ZNF345: variants seen among roughly 807,000 people sequenced by gnomAD.
The protein encoded by ZNF345 is zinc finger protein 345.
For synonymous variants in ZNF345, 166 were observed against 187.9 expected (o/e 0.88, Z 0.95); for missense variants, 527 against 589.9 (o/e 0.89, Z 1.10).
chr19:36,861,803 G>A (rs532620027), intron 2 of ZNF345, among the ~76,000 whole-genome samples: 14 of 150,014 alleles, frequency 9.3e-5, no homozygotes, highest in South Asian at 2.1e-4. Context: ...CTTGCAATCC[G>A]CCAGCCTCAG....
At chr19:36,891,368 A>G in intron 3 of ZNF345, 1 of 986,128 alleles carries the variant, frequency 1.0e-6, no homozygotes, top group Non-Finnish European at 1.4e-6. Context: ...GTACTTTGTT[A>G]TCGTATCGTT....
chr19:36,871,413 ATACACACAC>A (rs1336807360), intron 2 of ZNF345, among the ~76,000 whole-genome samples: 7 of 152,160 alleles, frequency 4.6e-5, no homozygotes, highest in African/African-American at 1.7e-4. Flanking sequence ...ATCTTTATTA[ATACACACAC>A]ATACACTTTT....
intron 3 of ZNF345, chr19:36,891,856 A>G (rs1236147787): frequency 6.2e-7 from 1 of 1,614,106 alleles, no homozygotes; most frequent in Admixed American, 1.7e-5. Flanking sequence ...CTGATGCTGA[A>G]TAAGCCTTGA....
chr19:36,851,964 G>T (rs1406772523), intron 2 of ZNF345, 60 bp downstream of exon 2: 2 of 152,070 alleles, frequency 1.3e-5, no homozygotes, highest in African/African-American at 4.8e-5. Context: ...GGACATAGTT[G>T]CTTTCCTTCT....
intron 2 of ZNF345, among the ~76,000 whole-genome samples, chr19:36,870,336 A>T (rs2072747520): frequency 6.6e-6 from 1 of 152,130 alleles, no homozygotes; most frequent in African/African-American, 2.4e-5. Flanking sequence ...ATCTTTTTCC[A>T]GTATGTTCTG....
At chr19:36,857,537 G>A (rs529305537) in intron 2 of ZNF345, among the ~76,000 whole-genome samples, 68 of 152,152 alleles carry the variant, frequency 4.5e-4, no homozygotes, top group African/African-American at 1.4e-3. Context: ...CCGAACTCCC[G>A]ACCCCAGGTG....
intron 2 of ZNF345, among the ~76,000 whole-genome samples, chr19:36,869,764 CTT>C (rs370081401): frequency 8.6e-5 from 12 of 139,586 alleles, no homozygotes; most frequent in Admixed American, 1.4e-4. Flanking sequence ...GATCATTTAG[CTT>C]TTTTTTTTTT....
chr19:36,854,118 C>G (rs1448641573), intron 2 of ZNF345, among the ~76,000 whole-genome samples: 2 of 151,930 alleles, frequency 1.3e-5, no homozygotes, highest in Non-Finnish European at 2.9e-5. Context: ...ATAAATAGTT[C>G]TAGACAAGTA....
downstream of ZNF345, among the ~76,000 whole-genome samples, chr19:36,884,366 C>T (rs559727952): frequency 1.3e-5 from 2 of 152,016 alleles, no homozygotes; most frequent in Non-Finnish European, 2.9e-5. Flanking sequence ...CCTATGATTA[C>T]AACCTTATTA....
At chr19:36,875,941 A>G (rs572375922) in intron 2 of ZNF345, among the ~76,000 whole-genome samples, 3 of 152,340 alleles carry the variant, frequency 2.0e-5, no homozygotes, top group Non-Finnish European at 2.9e-5. Flanking sequence ...TGGTGTGATC[A>G]GAATCATTCC....
At position 36,855,177 on chromosome 19, in the gene ZNF345, C is replaced by T. The variant is rs1399565965; in HGVS notation, c.-47+3273C>T. 2.9e-5 allele frequency among the ~76,000 whole-genome samples: 4 copies of T among 140,304 alleles called. No homozygotes were observed. In the East Asian group the frequency reaches 6.7e-4, roughly 23 times the overall value. The allele number at this position is 140,304 out of a possible 152,430, so 92.0% of individuals were successfully genotyped here. On this transcript the variant is annotated intron_variant, in intron 2 of 2. Coordinates refer to ENST00000420450, the MANE Select transcript of ZNF345 (RefSeq NM_001242472.2). ...TTTTTTTTTGAGACGGAGTCTCGCT[C>T]AGTCACCCAGGTTGGAGTGCAGTGG...
chr19:36,875,487 T>TG (rs2072864681), intron 2 of ZNF345, among the ~76,000 whole-genome samples: 1 of 151,606 alleles, frequency 6.6e-6, no homozygotes, highest in Non-Finnish European at 1.5e-5. Flanking sequence ...TATTGTTGGG[T>TG]GGGGGGTGCA....
intron 2 of ZNF345, among the ~76,000 whole-genome samples, chr19:36,864,773 T>G (rs2072623913): frequency 6.6e-6 from 1 of 152,140 alleles, no homozygotes; most frequent in African/African-American, 2.4e-5. Flanking sequence ...TTTTGCACCC[T>G]GGGTTCCTCA....
intron 2 of ZNF345, among the ~76,000 whole-genome samples, chr19:36,852,263 G>A (rs114101700): frequency 0.017 from 2,592 of 151,058 alleles, 37 homozygotes; most frequent in Middle Eastern, 0.052. Flanking sequence ...CATTTTGTGC[G>A]CATATTTTGG....
chr19:36,883,131 T>G (rs2072978221), downstream of ZNF345, among the ~76,000 whole-genome samples: 1 of 152,240 alleles, frequency 6.6e-6, no homozygotes, highest in Admixed American at 6.5e-5. Flanking sequence ...ACCATATAGT[T>G]AGTGTTTTAT....
intron 2 of ZNF345, 101 bp from the exon 3 acceptor site, chr19:36,876,684 A>T: frequency 6.4e-6 from 5 of 782,198 alleles, no homozygotes; most frequent in Non-Finnish European, 9.7e-6. Context: ...CTCAATTTTT[A>T]TGAAAATTAA....
intron 3 of ZNF345, chr19:36,889,974 T>A (rs1169088880): frequency 2.0e-5 from 3 of 152,206 alleles, no homozygotes; most frequent in Non-Finnish European, 4.4e-5. Context: ...TTGTCTCTAT[T>A]TTCATTTATT....
intron 3 of ZNF345, chr19:36,890,941 G>C (rs1256346585): frequency 6.6e-6 from 1 of 152,262 alleles, no homozygotes; most frequent in African/African-American, 2.4e-5. Context: ...CATTCTAACA[G>C]GGTATTATGG....
In ZNF345 at chr19:36,877,675, G is replaced by T; in HGVS notation, c.845G>T (p.Gly282Val). 1.9e-6 allele frequency: 3 copies of T among 1,614,132 alleles called. No individual in the cohort carries two copies. The South Asian group carries it at 3.3e-5, about 18-fold the overall frequency. ...ACTCGACATCAAAGAATTCATACTG[G>T]TGAGAAACCTTATGTATGTAAGGAA... ...ALTRHQRIHTGEKPYVCKECG... is the reference protein window; with the variant it reads ...ALTRHQRIHTVEKPYVCKECG... The change falls in exon 3 of 3, where the codon GGT becomes GTT. Residue 282 changes from glycine (G) to valine (V), a missense_variant. Gly to Val is a moderately radical substitution (Grantham distance 109, BLOSUM62 -3). Transcript: ENST00000420450.
Sources: gnomAD v4.1 joint callset for allele counts (sites outside exome capture counted in the v4.1 genomes callset) on GRCh38, gnomAD v4.1.1 for gene constraint, MANE v1.5 for transcripts, NCBI Gene and HGNC (gene_info 2026-07-23, HGNC 2026-07-21) for gene names.